SLC9A9: variants seen among roughly 807,000 people sequenced by gnomAD.
SLC9A9 encodes sodium/hydrogen exchanger 9.
SLC9A9 carries 62 observed loss-of-function variants against 77.8 expected under a neutral mutation model. The ratio of observed to expected loss-of-function variants is 0.80; its 90% CI spans 0.65 to 0.98. The LOEUF is 0.98. SLC9A9 is among the 50% of genes least tolerant of loss of function. The pLI, the probability that SLC9A9 is intolerant of heterozygous loss-of-function variation, is 0.00. For synonymous variants in SLC9A9, 320 were observed against 283.5 expected (o/e 1.13, Z -1.29); for missense variants, 775 against 774.9 (o/e 1.00, Z 0.00).
intron 12 of SLC9A9, among the ~76,000 whole-genome samples, chr3:143,405,209 A>G (rs2033951302): frequency 6.6e-6 from 1 of 152,088 alleles, no homozygotes; most frequent in Non-Finnish European, 1.5e-5. Flanking sequence ...TTCAAGTGCT[A>G]TTAGTCTCCA....
At chr3:143,754,245 G>T (rs1271918871) in intron 4 of SLC9A9, among the ~76,000 whole-genome samples, 1 of 152,194 alleles carries the variant, frequency 6.6e-6, no homozygotes, top group East Asian at 1.9e-4. Context: ...AAGTGTTCTT[G>T]CAGCCATTCT....
chr3:143,558,242 A>G (rs1398828898), intron 8 of SLC9A9, among the ~76,000 whole-genome samples: 1 of 152,226 alleles, frequency 6.6e-6, no homozygotes, highest in African/African-American at 2.4e-5. Flanking sequence ...ACAGCAGTGG[A>G]GCCCTCATGG....
intron 12 of SLC9A9, among the ~76,000 whole-genome samples, chr3:143,443,489 T>C (rs915647540): frequency 6.6e-6 from 1 of 152,186 alleles, no homozygotes; most frequent in Non-Finnish European, 1.5e-5. Flanking sequence ...GGTACCATTT[T>C]AAGAAATGAA....
intron 4 of SLC9A9, among the ~76,000 whole-genome samples, chr3:143,760,421 T>G (rs2007079245): frequency 6.6e-6 from 1 of 152,178 alleles, no homozygotes; most frequent in Non-Finnish European, 1.5e-5. Context: ...TGTTTGCGGA[T>G]GACATGATTG....
intron 14 of SLC9A9, among the ~76,000 whole-genome samples, chr3:143,328,189 A>G (rs1419325719): frequency 6.6e-6 from 1 of 152,226 alleles, no homozygotes; most frequent in South Asian, 2.1e-4. Context: ...AATGTAAACT[A>G]TGGACTTCGG....
intron 6 of SLC9A9, among the ~76,000 whole-genome samples, chr3:143,609,924 A>T (rs553692265): frequency 6.6e-6 from 1 of 152,258 alleles, no homozygotes; most frequent in East Asian, 1.9e-4. Flanking sequence ...ATATTTTTGA[A>T]TAACTCATCT....
intron 4 of SLC9A9, among the ~76,000 whole-genome samples, chr3:143,710,238 AG>A (rs1489277478): frequency 1.3e-5 from 2 of 152,236 alleles, no homozygotes; most frequent in African/African-American, 4.8e-5. Context: ...CAAGTAAGGA[AG>A]CTTTCAAAAG....
chr3:143,636,959 C>A (rs1269765433), intron 6 of SLC9A9, among the ~76,000 whole-genome samples: 1 of 152,142 alleles, frequency 6.6e-6, no homozygotes, highest in African/African-American at 2.4e-5. Flanking sequence ...ACATATGCAA[C>A]AGTCACACTT....
intron 14 of SLC9A9, among the ~76,000 whole-genome samples, chr3:143,313,742 T>G (rs1420736726): frequency 6.6e-6 from 1 of 152,262 alleles, no homozygotes; most frequent in Non-Finnish European, 1.5e-5. Flanking sequence ...TCCACCATTC[T>G]GGCTAGAGGC....
chr3:143,338,252 A>T (rs2031986060), intron 14 of SLC9A9, among the ~76,000 whole-genome samples: 1 of 152,216 alleles, frequency 6.6e-6, no homozygotes, highest in Non-Finnish European at 1.5e-5. Context: ...AGGATTCATT[A>T]TAAGTAAAAA....
intron 6 of SLC9A9, among the ~76,000 whole-genome samples, chr3:143,616,846 A>C (rs996058737): frequency 6.6e-6 from 1 of 152,162 alleles, no homozygotes; most frequent in Non-Finnish European, 1.5e-5. Flanking sequence ...TAGATGTCTA[A>C]ATTTTACGTG....
chr3:143,550,827 C>T (rs944157333), intron 9 of SLC9A9, among the ~76,000 whole-genome samples: 2 of 152,282 alleles, frequency 1.3e-5, no homozygotes, highest in African/African-American at 4.8e-5. Context: ...CTCATGTCTC[C>T]CAGAGTCATA....
At chr3:143,474,395 G>C (rs1559931644) in intron 11 of SLC9A9, among the ~76,000 whole-genome samples, 1 of 152,168 alleles carries the variant, frequency 6.6e-6, no homozygotes, top group African/African-American at 2.4e-5. Context: ...CTCTGACTCT[G>C]ATAGGAAAAC....
At chr3:143,393,248 A>G (rs1311991684) in intron 12 of SLC9A9, among the ~76,000 whole-genome samples, 2 of 151,616 alleles carry the variant, frequency 1.3e-5, no homozygotes, top group East Asian at 3.9e-4. Context: ...CAAACTGTCT[A>G]TCAGTTTGAC....
chr3:143,581,848 C>T (rs2037460034), intron 6 of SLC9A9, among the ~76,000 whole-genome samples: 1 of 152,216 alleles, frequency 6.6e-6, no homozygotes, highest in Admixed American at 6.5e-5. Flanking sequence ...CACCGTCTCT[C>T]CTGGCCCACC....
At chr3:143,808,727 A>T (rs1274085666) in intron 2 of SLC9A9, among the ~76,000 whole-genome samples, 1 of 152,200 alleles carries the variant, frequency 6.6e-6, no homozygotes, top group Non-Finnish European at 1.5e-5. Context: ...TTGGACAGCT[A>T]TTTAACCTCT....
rs2035294176 is a variant in SLC9A9 at position 143,467,130 on chromosome 3, T to C, written c.1376A>G (p.Gln459Arg). Reference protein sequence around the residue: ...AIRNTESQPKQMMFTTTLLLV... With the variant: ...AIRNTESQPKRMMFTTTLLLV... ...GAGCAGCGTAGTGGTAAACATCATT[T>C]GTTTGGGCTGAGATTCTGTGTTCCG... Residue 459 changes from glutamine (Q) to arginine (R), a missense_variant, in exon 12 of 16, where the codon CAA (glutamine) becomes CGA (arginine). Transcript: ENST00000316549. The C allele has an allele frequency of 6.2e-7, 1 of 1,614,090 alleles. No individual in the cohort carries two copies. Among genetic ancestry groups the C allele is most frequent in the African/African-American group, 1.3e-5 (1 of 74,956 alleles).
chr3:143,281,421 A>G lies in SLC9A9; in HGVS notation c.1605-12441T>C, dbSNP rs78217465. Among the ~76,000 whole-genome samples the G allele has an allele frequency of 5.9e-3, 905 of 152,286 alleles. 9 individuals carry two copies. The highest frequency in any genetic ancestry group is 0.021 in the African/African-American group (876 of 41,554). The stretch of plus-strand genomic sequence containing the variant: ...TACCTAAATGATTCCATGACCCATT[A>G]TGGGTAGTCACATACAGTTTAAAAA... On this transcript the variant is annotated intron_variant, in intron 14 of 15. Coordinates refer to ENST00000316549, the MANE Select transcript of SLC9A9 (RefSeq NM_173653.4).
chr3:143,665,210 C>A (rs1297490337), intron 5 of SLC9A9, among the ~76,000 whole-genome samples: 1 of 152,190 alleles, frequency 6.6e-6, no homozygotes, highest in African/African-American at 2.4e-5. Flanking sequence ...TACATGGAAA[C>A]TAAACAATCT....
Sources: allele counts gnomAD v4.1 joint callset (sites outside exome capture counted in the v4.1 genomes callset), GRCh38; gene constraint gnomAD v4.1.1; transcripts MANE v1.5; gene names NCBI Gene and HGNC (gene_info 2026-07-23, HGNC 2026-07-21).